ARPP21: variants seen among roughly 807,000 people sequenced by gnomAD.
The protein encoded by ARPP21 is cAMP-regulated phosphoprotein 21.
ARPP21 carries 69 observed loss-of-function variants against 113.2 expected under a neutral mutation model. The observed-to-expected ratio is 0.61, with a 90% CI of 0.50 to 0.74. The LOEUF (loss-of-function observed/expected upper bound fraction) is 0.74. ARPP21 is among the 30% of genes least tolerant of loss of function. ARPP21 has a pLI of 0.00. For synonymous variants in ARPP21, 368 were observed against 375.5 expected, an observed-to-expected ratio of 0.98 and a Z score of 0.23; for missense variants, 1,070 against 1,037.4, an observed-to-expected ratio of 1.03 and a Z score of -0.43.
intron 1 of ARPP21, among the ~76,000 whole-genome samples, chr3:35,657,071 C>A (rs569003821): frequency 3.3e-5 from 5 of 152,082 alleles, no homozygotes; most frequent in Admixed American, 1.3e-4. Context: ...AACTGTGTTA[C>A]CCCTGGTACC....
chr3:35,793,862 C>A lies in ARPP21; in HGVS notation c.2448C>A (p.Gly816=). Residue 816 remains glycine (G), a synonymous_variant, in exon 21 of 21, where the codon GGC becomes GGA. Coordinates refer to ENST00000684406, the MANE Select transcript of ARPP21 (RefSeq NM_001385562.1). ...CTCAGAACAACCTTAGGCTGATTGG[C>A]CCACACTGCCCCTCCAGCACTGTCC... ...PTPQNNLRLI[G]PHCPSSTVPV... is the part of the protein sequence containing the mutation. The A allele has an allele frequency of 1.9e-6, 3 of 1,614,120 alleles. No homozygotes were observed. The highest frequency in any genetic ancestry group is 2.5e-6 in the Non-Finnish European group (3 of 1,179,988).
intron 18 of ARPP21, 150 bp from the exon 19 acceptor site, chr3:35,743,689 G>A: frequency 1.4e-6 from 1 of 716,542 alleles, no homozygotes; most frequent in South Asian, 1.9e-5. Context: ...TACGGGAGAA[G>A]TAGCATGCAC....
intron 1 of ARPP21, among the ~76,000 whole-genome samples, chr3:35,659,600 A>C (rs541046447): frequency 6.6e-6 from 1 of 152,256 alleles, no homozygotes; most frequent in Admixed American, 6.5e-5. Context: ...TAAGTGCTGG[A>C]GTGCAGGTGT....
chr3:35,694,156 C>T (rs896041545), intron 9 of ARPP21, among the ~76,000 whole-genome samples: 6 of 151,480 alleles, frequency 4.0e-5, no homozygotes, highest in Admixed American at 6.6e-5. Flanking sequence ...TAGAATGTGA[C>T]TTGAGAAGGT....
At chr3:35,711,177 C>A (rs74435134) in intron 11 of ARPP21, among the ~76,000 whole-genome samples, 17 of 152,094 alleles carry the variant, frequency 1.1e-4, no homozygotes, top group African/African-American at 4.1e-4. Context: ...GGAGGACCAG[C>A]CTGTTTCTAG....
chr3:35,645,798 C>A (rs1237252305), intron 1 of ARPP21, among the ~76,000 whole-genome samples: 1 of 151,888 alleles, frequency 6.6e-6, no homozygotes, highest in Non-Finnish European at 1.5e-5. Flanking sequence ...ATATACTTAG[C>A]AGATTTCCTT....
intron 19 of ARPP21, among the ~76,000 whole-genome samples, chr3:35,788,115 C>T (rs1443673957): frequency 6.6e-6 from 1 of 152,064 alleles, no homozygotes; most frequent in Non-Finnish European, 1.5e-5. Context: ...TGACAGGGAG[C>T]CAAGAAAACA....
rs755340001 is a variant in ARPP21, at chr3:35,715,661, A to C, written c.935+185A>C. 2.2e-4 allele frequency: 93 copies of C among 427,256 alleles called. No individual in the cohort carries two copies. The Middle Eastern group carries it at 5.2e-3, about 24-fold the overall frequency. 26.5% of individuals were successfully genotyped at this position (427,256 alleles called of 1,614,324 possible). On this transcript the variant is annotated intron_variant, in intron 12 of 20. Transcript: ENST00000684406. ...TCTACAAATGATCTAATTTGGAAAA[A>C]AAATTTTCTTTCAGTTAATTCCAAA...
chr3:35,793,814 C>T lies in ARPP21; in HGVS notation c.2400C>T (p.Tyr800=), dbSNP rs763705376. The change falls in exon 21 of 21, where the codon TAC becomes TAT. Residue 800 remains tyrosine (Y), a synonymous_variant. Transcript: ENST00000684406. ...TCCCAGCCACTGGAATGCCTGTTTA[C>T]TGTAATGTCACACCGCCCACCCCTC... ...GSLPATGMPV[Y]CNVTPPTPQN... is the part of the protein sequence containing the mutation. 1 of 1,614,200 alleles carries T rather than the reference C, an allele frequency of 6.2e-7. No homozygotes were observed. Among genetic ancestry groups the T allele is most frequent in the Non-Finnish European group, 8.5e-7 (1 of 1,180,034 alleles).
At chr3:35,702,395 C>A (rs568624711) in intron 9 of ARPP21, among the ~76,000 whole-genome samples, 2 of 151,784 alleles carry the variant, frequency 1.3e-5, no homozygotes, top group South Asian at 2.1e-4. Context: ...TATTAGAAAT[C>A]GAACTACTTT....
intron 19 of ARPP21, among the ~76,000 whole-genome samples, chr3:35,787,894 A>T (rs1296371038): frequency 6.6e-6 from 1 of 152,152 alleles, no homozygotes; most frequent in Non-Finnish European, 1.5e-5. Context: ...TTTTAGCTAC[A>T]ATTCCTCGTA....
chr3:35,700,845 T>G (rs1052481936), intron 9 of ARPP21, among the ~76,000 whole-genome samples: 2 of 151,746 alleles, frequency 1.3e-5, no homozygotes, highest in South Asian at 2.1e-4. Context: ...TTACTTTTTT[T>G]ATTATACTTT....
At chr3:35,714,856 T>C (rs959247536) in intron 11 of ARPP21, 7 of 152,032 alleles carry the variant, frequency 4.6e-5, no homozygotes, top group Non-Finnish European at 1.0e-4. Context: ...TTAATTAGCG[T>C]ATTTTCATCC....
intron 15 of ARPP21, among the ~76,000 whole-genome samples, chr3:35,734,909 G>A (rs1266853412): frequency 6.6e-6 from 1 of 152,184 alleles, no homozygotes; most frequent in Non-Finnish European, 1.5e-5. Flanking sequence ...CACTCAGAAT[G>A]AGACCTAGAG....
rs1362970403 is a variant in ARPP21, at chr3:35,708,961, C to T, written c.796-8C>T. 2 of 1,603,912 alleles carry T rather than the reference C, an allele frequency of 1.2e-6. No homozygotes were observed. Among genetic ancestry groups the T allele is most frequent in the East Asian group, 2.2e-5 (1 of 44,694 alleles). The stretch of plus-strand genomic sequence containing the variant: ...GGATAACCCTCCTGATTTCTTTTTT[C>T]TGTTCAGCAAAACAGAATGCATCCA... On this transcript the variant is annotated splice_region_variant and splice_polypyrimidine_tract_variant and intron_variant, in intron 10 of 20. Transcript: ENST00000684406.
chr3:35,710,470 T>C (rs983014991), intron 11 of ARPP21, among the ~76,000 whole-genome samples: 5 of 151,880 alleles, frequency 3.3e-5, no homozygotes, highest in Non-Finnish European at 5.9e-5. Flanking sequence ...TAGAGCTTCA[T>C]AGAGATAATT....
At chr3:35,789,695 C>A (rs2096708202) in intron 19 of ARPP21, among the ~76,000 whole-genome samples, 1 of 152,174 alleles carries the variant, frequency 6.6e-6, no homozygotes, top group African/African-American at 2.4e-5. Context: ...GCAGCTGCAT[C>A]TGGGCTGGCA....
In ARPP21 at chr3:35,715,318, A is replaced by G. The variant is rs1005307435; in HGVS notation, c.898-121A>G. The G allele has an allele frequency of 2.0e-5, 15 of 755,122 alleles. No homozygotes were observed. In the African/African-American group the frequency reaches 2.5e-4, roughly 12 times the overall value. 46.8% of individuals were successfully genotyped at this position (755,122 alleles called of 1,614,324 possible). A position where few individuals can be genotyped will look rare whatever the true frequency, so the allele number is the denominator to read the frequency against. ...TTCCTTTTTTATTTCTATCTTTTGT[A>G]CCTATTTTTCTTAATTCTTTTCCCC... On this transcript the variant is annotated intron_variant, in intron 11 of 20. Transcript: ENST00000684406.
At position 35,793,859 on chromosome 3, in the gene ARPP21, TGGCCCACA is replaced by T; in HGVS notation, c.2446_2453del (p.Gly816LeufsTer12). On this transcript the variant is annotated frameshift_variant, in exon 21 of 21. Coordinates refer to ENST00000684406, the MANE Select transcript of ARPP21 (RefSeq NM_001385562.1). LOFTEE classifies it high-confidence loss of function. ...CCCCTCAGAACAACCTTAGGCTGATTGGCCCACACTGCCCCTCCAGCACTGTCCCAGTG... is the reference window on the plus strand; with the variant it reads ...CCCCTCAGAACAACCTTAGGCTGATTCTGCCCCTCCAGCACTGTCCCAGTG... 6.2e-7 allele frequency: 1 copy of T among 1,614,202 alleles called. No homozygotes were observed. Among genetic ancestry groups the T allele is most frequent in the Non-Finnish European group, 8.5e-7 (1 of 1,180,034 alleles).
Sources: allele counts gnomAD v4.1 joint callset (sites outside exome capture counted in the v4.1 genomes callset), GRCh38; gene constraint gnomAD v4.1.1; transcripts MANE v1.5; gene names NCBI Gene and HGNC (gene_info 2026-07-23, HGNC 2026-07-21).